Variants in TMEM232 observed in about 807,000 individuals in gnomAD.
TMEM232 encodes the protein transmembrane protein 232.
TMEM232 carries 80 observed loss-of-function variants against 78.8 expected under a neutral mutation model. The ratio of observed to expected loss-of-function variants is 1.01; its 90% CI spans 0.85 to 1.22. TMEM232 has a LOEUF of 1.22. Ranked by LOEUF, TMEM232 falls within the 50% of genes most tolerant of loss-of-function variation. The pLI is 0.00. For synonymous variants in TMEM232, 297 were observed against 254.3 expected (o/e 1.17, Z -1.60); for missense variants, 881 against 742.2 (o/e 1.19, Z -2.17).
intron 12 of TMEM232, among the ~76,000 whole-genome samples, chr5:110,467,920 C>A (rs200928906): frequency 0.029 from 4,384 of 152,082 alleles, 71 homozygotes; most frequent in African/African-American, 0.047. Flanking sequence ...TACTCTTTGG[C>A]TTTGGGTGCA....
intron 12 of TMEM232, among the ~76,000 whole-genome samples, chr5:110,501,311 C>T (rs1346254173): frequency 6.6e-6 from 1 of 152,024 alleles, no homozygotes; most frequent in Non-Finnish European, 1.5e-5. Flanking sequence ...ATATTGGCAT[C>T]TAAGCTATTA....
At chr5:110,531,616 A>G (rs1302512560) in intron 11 of TMEM232, among the ~76,000 whole-genome samples, 1 of 152,156 alleles carries the variant, frequency 6.6e-6, no homozygotes, top group Non-Finnish European at 1.5e-5. Context: ...GACAAAGGAG[A>G]CATGTTTTAT....
chr5:110,629,226 G>C (rs548593420), intron 5 of TMEM232, among the ~76,000 whole-genome samples: 3 of 152,014 alleles, frequency 2.0e-5, no homozygotes, highest in African/African-American at 7.2e-5. Flanking sequence ...TCAAGGACTA[G>C]AGATAAATAC....
At chr5:110,520,610 C>T (rs1247266211) in intron 12 of TMEM232, among the ~76,000 whole-genome samples, 2 of 152,034 alleles carry the variant, frequency 1.3e-5, no homozygotes, top group African/African-American at 4.8e-5. Context: ...AGAAACATCC[C>T]AAAATTTAGT....
chr5:110,641,246 A>G (rs1489126964), intron 3 of TMEM232, among the ~76,000 whole-genome samples: 2 of 152,176 alleles, frequency 1.3e-5, no homozygotes, highest in African/African-American at 4.8e-5. Context: ...GCTGAAAATA[A>G]TTCTCATTTT....
chr5:110,565,108 C>T (rs1776191049), intron 11 of TMEM232, among the ~76,000 whole-genome samples: 1 of 151,966 alleles, frequency 6.6e-6, no homozygotes, highest in Admixed American at 6.6e-5. Context: ...AATTCATCAA[C>T]ATTTGCTGTT....
chr5:110,576,728 C>G (rs1192105365), intron 10 of TMEM232, among the ~76,000 whole-genome samples: 1 of 152,008 alleles, frequency 6.6e-6, no homozygotes, highest in East Asian at 1.9e-4. Context: ...AGAAATAAGA[C>G]CACACACCTA....
intron 1 of TMEM232, among the ~76,000 whole-genome samples, chr5:110,714,187 C>T (rs1044106169): frequency 6.6e-6 from 1 of 152,150 alleles, no homozygotes; most frequent in African/African-American, 2.4e-5. Flanking sequence ...GAACTCCCTG[C>T]TGCAGGGCTG....
At chr5:110,399,096 G>A (rs1232454864) in intron 2 of TMEM232, among the ~76,000 whole-genome samples, 1 of 151,792 alleles carries the variant, frequency 6.6e-6, no homozygotes, top group Non-Finnish European at 1.5e-5. Context: ...TCTCTGGTCT[G>A]CCACGAAGAA....
intron 1 of TMEM232, among the ~76,000 whole-genome samples, chr5:110,696,716 A>G (rs1794828187): frequency 6.6e-6 from 1 of 152,200 alleles, no homozygotes; most frequent in South Asian, 2.1e-4. Flanking sequence ...CAAAGAGAAT[A>G]AAATACCTAG....
chr5:110,663,807 T>C (rs77188036), intron 2 of TMEM232, among the ~76,000 whole-genome samples: 14,483 of 151,216 alleles, frequency 0.096, 952 homozygotes, highest in Middle Eastern at 0.18. Flanking sequence ...TGGAGACCCA[T>C]AGAAAGCATC....
At chr5:110,595,680 T>C (rs867329589) in intron 10 of TMEM232, among the ~76,000 whole-genome samples, 3 of 151,994 alleles carry the variant, frequency 2.0e-5, no homozygotes, top group South Asian at 2.1e-4. Flanking sequence ...ATATCAGAGA[T>C]TGAAGATCAA....
intron 10 of TMEM232, among the ~76,000 whole-genome samples, chr5:110,586,620 A>T (rs1778849358): frequency 6.6e-6 from 1 of 151,156 alleles, no homozygotes; most frequent in Admixed American, 6.6e-5. Flanking sequence ...GTATCTCAAG[A>T]TTTTTTTTTA....
At chr5:110,669,928 A>T (rs879624936) in intron 1 of TMEM232, among the ~76,000 whole-genome samples, 17 of 152,224 alleles carry the variant, frequency 1.1e-4, no homozygotes, top group Non-Finnish European at 2.2e-4. Context: ...ACAAAATTCA[A>T]CAACCCTTCA....
At chr5:110,679,369 G>A (rs919103814) in intron 1 of TMEM232, among the ~76,000 whole-genome samples, 1 of 152,080 alleles carries the variant, frequency 6.6e-6, no homozygotes, top group East Asian at 1.9e-4. Flanking sequence ...TTTTAATCAT[G>A]TTGCTTGTTT....
chr5:110,695,036 GA>G (rs1794604098), intron 1 of TMEM232, among the ~76,000 whole-genome samples: 1 of 152,030 alleles, frequency 6.6e-6, no homozygotes, highest in African/African-American at 2.4e-5. Flanking sequence ...TTCCAAAATT[GA>G]ACACATAGTT....
chr5:110,721,694 T>TTAGTG (rs1429646728), intron 1 of TMEM232, among the ~76,000 whole-genome samples: 1 of 138,708 alleles, frequency 7.2e-6, no homozygotes. Flanking sequence ...TCTGTGTGTG[T>TTAGTG]TAGTGTTTGG....
chr5:110,675,372 GTAGGAC>G (rs1211377723), intron 1 of TMEM232, among the ~76,000 whole-genome samples: 6 of 152,118 alleles, frequency 3.9e-5, no homozygotes. Context: ...TAAGCTTTGT[GTAGGAC>G]TGCTGCAATG....
intron 12 of TMEM232, among the ~76,000 whole-genome samples, chr5:110,515,656 C>T (rs140789934): frequency 2.0e-5 from 3 of 152,174 alleles, no homozygotes; most frequent in Non-Finnish European, 2.9e-5. Context: ...GACTTCTAAG[C>T]CTCTCCAGTA....
Sources: gnomAD v4.1 joint callset for allele counts (sites outside exome capture counted in the v4.1 genomes callset) on GRCh38, gnomAD v4.1.1 for gene constraint, MANE v1.5 for transcripts, NCBI Gene and HGNC (gene_info 2026-07-23, HGNC 2026-07-21) for gene names.